Variants in CSMD1 observed in about 807,000 individuals in gnomAD.
CSMD1 encodes the protein CUB and Sushi multiple domains 1.
CSMD1 carries 213 observed loss-of-function variants against 417.5 expected under a neutral mutation model. The ratio of observed to expected loss-of-function variants is 0.51; its 90% CI spans 0.46 to 0.57. The LOEUF is 0.57. Among genes scored for constraint, CSMD1 ranks in the 20% least tolerant of loss-of-function variants. The pLI is 0.00. For missense variants in CSMD1, 6,923 were observed against 4,529.7 expected (o/e 1.53, Z -15.17); for synonymous variants, 2,862 against 1,736.8 (o/e 1.65, Z -16.11).
At chr8:4,119,860 T>C (rs116442267) in intron 3 of CSMD1, among the ~76,000 whole-genome samples, 1 of 152,152 alleles carries the variant, frequency 6.6e-6, no homozygotes, top group Non-Finnish European at 1.5e-5. Flanking sequence ...TGGAGACACA[T>C]CTGAAAGGGT....
At chr8:4,019,588 G>A (rs759031567) in intron 4 of CSMD1, among the ~76,000 whole-genome samples, 18 of 152,154 alleles carry the variant, frequency 1.2e-4, no homozygotes, top group Non-Finnish European at 2.4e-4. Context: ...GTCTGCTCTT[G>A]CTGGCTGCTT....
chr8:4,752,005 A>C (rs1021500313), intron 1 of CSMD1, among the ~76,000 whole-genome samples: 12 of 152,204 alleles, frequency 7.9e-5, no homozygotes, highest in Admixed American at 3.9e-4. Flanking sequence ...TATACACAAA[A>C]TACTGATTAG....
At chr8:3,954,783 T>C (rs1288052035) in intron 5 of CSMD1, among the ~76,000 whole-genome samples, 1 of 151,634 alleles carries the variant, frequency 6.6e-6, no homozygotes, top group Non-Finnish European at 1.5e-5. Context: ...GGCAGGGAGT[T>C]ACATGCACGC....
intron 3 of CSMD1, among the ~76,000 whole-genome samples, chr8:4,295,850 T>C (rs994173095): frequency 9.4e-5 from 14 of 148,932 alleles, no homozygotes; most frequent in Admixed American, 2.0e-4. Context: ...TTCAGATTTC[T>C]TCAACCATTA....
intron 37 of CSMD1, among the ~76,000 whole-genome samples, chr8:3,169,470 C>T (rs1333669415): frequency 6.6e-6 from 1 of 151,070 alleles, no homozygotes; most frequent in Non-Finnish European, 1.5e-5. Context: ...CTCTAGTAGT[C>T]GAAATCATAG....
chr8:4,047,992 C>T (rs1798236313), intron 3 of CSMD1, among the ~76,000 whole-genome samples: 1 of 152,124 alleles, frequency 6.6e-6, no homozygotes, highest in Admixed American at 6.6e-5. Flanking sequence ...ATCCTGAGAG[C>T]TTTAAGTCTT....
chr8:3,403,213 A>G (rs1409880506), intron 15 of CSMD1, among the ~76,000 whole-genome samples: 6 of 152,358 alleles, frequency 3.9e-5, no homozygotes, highest in African/African-American at 7.2e-5. Flanking sequence ...AAAACAATAA[A>G]TAAGAGTATT....
At chr8:4,267,962 C>G (rs1003637090) in intron 3 of CSMD1, among the ~76,000 whole-genome samples, 1 of 151,966 alleles carries the variant, frequency 6.6e-6, no homozygotes, top group Non-Finnish European at 1.5e-5. Context: ...ATTTTTGGAT[C>G]TATTTTCTAG....
chr8:2,984,201 C>G (rs979430162), intron 54 of CSMD1, among the ~76,000 whole-genome samples: 7 of 152,176 alleles, frequency 4.6e-5, no homozygotes, highest in Non-Finnish European at 1.0e-4. Flanking sequence ...TCACAGGAAA[C>G]GTCTGATCCA....
At chr8:4,776,602 A>G (rs1410893819) in intron 1 of CSMD1, among the ~76,000 whole-genome samples, 1 of 152,192 alleles carries the variant, frequency 6.6e-6, no homozygotes, top group East Asian at 1.9e-4. Context: ...GCGTTCAATG[A>G]TACCTCCAGG....
intron 26 of CSMD1, among the ~76,000 whole-genome samples, chr8:3,241,066 T>C (rs182958012): frequency 6.1e-5 from 9 of 147,288 alleles, no homozygotes; most frequent in African/African-American, 2.2e-4. Flanking sequence ...TGGGTTAAGG[T>C]GAGGGGATAC....
At chr8:4,198,796 G>A (rs900385980) in intron 3 of CSMD1, among the ~76,000 whole-genome samples, 11 of 152,082 alleles carry the variant, frequency 7.2e-5, no homozygotes, top group African/African-American at 2.7e-4. Context: ...GACTTTACTA[G>A]ATTAACAGAG....
chr8:3,081,173 C>T (rs1014413360), intron 49 of CSMD1, among the ~76,000 whole-genome samples: 3 of 152,162 alleles, frequency 2.0e-5, no homozygotes, highest in African/African-American at 7.2e-5. Flanking sequence ...ATGAGCTCAA[C>T]GTGCCAGGTT....
intron 2 of CSMD1, among the ~76,000 whole-genome samples, chr8:4,576,773 A>T (rs1184703725): frequency 6.6e-6 from 1 of 152,156 alleles, no homozygotes; most frequent in Non-Finnish European, 1.5e-5. Context: ...ATGCTAATTC[A>T]AGTGATATTA....
At chr8:3,472,365 G>T (rs896759729) in intron 11 of CSMD1, among the ~76,000 whole-genome samples, 2 of 151,868 alleles carry the variant, frequency 1.3e-5, no homozygotes, top group African/African-American at 4.8e-5. Flanking sequence ...CCAATTCTTG[G>T]GGACCTCTAC....
intron 6 of CSMD1, among the ~76,000 whole-genome samples, chr8:3,738,584 G>A (rs1584926839): frequency 6.6e-6 from 1 of 152,132 alleles, no homozygotes; most frequent in Non-Finnish European, 1.5e-5. Context: ...TCTTGTCACG[G>A]GGATGGCAAA....
intron 7 of CSMD1, among the ~76,000 whole-genome samples, chr8:3,621,975 CTT>C (rs1385914531): frequency 3.1e-5 from 4 of 128,808 alleles, no homozygotes; most frequent in Non-Finnish European, 6.4e-5. Flanking sequence ...CTCTCTCTCT[CTT>C]TGTGTGTGTG....
chr8:3,374,687 T>G (rs1417183131), intron 18 of CSMD1, among the ~76,000 whole-genome samples: 1 of 152,122 alleles, frequency 6.6e-6, no homozygotes, highest in Non-Finnish European at 1.5e-5. Flanking sequence ...AGCAACCCTA[T>G]GGTAGCAGGG....
chr8:4,331,489 G>C (rs139592275), intron 3 of CSMD1, among the ~76,000 whole-genome samples: 1 of 152,166 alleles, frequency 6.6e-6, no homozygotes, highest in Non-Finnish European at 1.5e-5. Context: ...TTTGGGTTTT[G>C]TAATTCAAAC....
Sources: allele counts gnomAD v4.1 joint callset (sites outside exome capture counted in the v4.1 genomes callset), GRCh38; gene constraint gnomAD v4.1.1; transcripts MANE v1.5; gene names NCBI Gene and HGNC (gene_info 2026-07-23, HGNC 2026-07-21).